TRAF3IP3: variants seen among roughly 807,000 people sequenced by gnomAD.
TRAF3IP3 encodes the protein TRAF3 interacting protein 3.
Under a neutral mutation model 86.5 loss-of-function variants are expected in TRAF3IP3, and 64 were observed. The ratio of observed to expected loss-of-function variants is 0.74; its 90% CI spans 0.60 to 0.91. The LOEUF (loss-of-function observed/expected upper bound fraction) is 0.91, where lower values mean the gene tolerates loss of function less well. Ranked by LOEUF, TRAF3IP3 falls within the 40% of genes least tolerant of loss-of-function variation. TRAF3IP3 has a pLI of 0.00. For missense variants in TRAF3IP3, 579 were observed against 642.9 expected, an observed-to-expected ratio of 0.90 and a Z score of 1.07; for synonymous variants, 220 against 243.9, an observed-to-expected ratio of 0.90 and a Z score of 0.91.
In TRAF3IP3 at chr1:209,779,294, GTTCC is replaced by G. The variant is rs2077726018; in HGVS notation, c.1253-18_1253-15del. 3 of 1,612,324 alleles carry G rather than the reference GTTCC, an allele frequency of 1.9e-6. No homozygotes were observed. Among genetic ancestry groups the G allele is most frequent in the Non-Finnish European group, 2.5e-6 (3 of 1,178,462 alleles). On this transcript the variant is annotated splice_polypyrimidine_tract_variant and intron_variant, in intron 13 of 16. Transcript: ENST00000367025. The stretch of plus-strand genomic sequence containing the variant: ...GTAGTAAATATGCTAGCATAGACAA[GTTCC>G]TTGTGTTTTCCAACAGGTTTGCTTC...
intron 9 of TRAF3IP3, among the ~76,000 whole-genome samples, chr1:209,773,823 T>C (rs370999146): frequency 6.6e-6 from 1 of 152,238 alleles, no homozygotes; most frequent in South Asian, 2.1e-4. Context: ...GAGACTAATA[T>C]ATAATCCAGA....
At chr1:209,765,227 GAGGAAGGAAGGAAGGA>G (rs60018350) in intron 8 of TRAF3IP3, among the ~76,000 whole-genome samples, 88 of 58,292 alleles carry the variant, frequency 1.5e-3, no homozygotes, top group East Asian at 2.8e-3. Context: ...GAGAGAGAGA[GAGGAAGGAAGGAAGGA>G]AGGAAGGAAG....
Position 209,765,623 on chromosome 1 carries a change from C to T in TRAF3IP3, c.702+2036C>T, listed in dbSNP as rs186858658. On this transcript the variant is annotated intron_variant, in intron 8 of 16. Coordinates refer to ENST00000367025, the MANE Select transcript of TRAF3IP3 (RefSeq NM_025228.4). The stretch of plus-strand genomic sequence containing the variant: ...TGGAGGTTGCAGTGAGCCAAGACTG[C>T]ACCACTGCATTCCAGCCTGGGCGAT... Among the ~76,000 whole-genome samples, 9 of 152,254 alleles carry T rather than the reference C, an allele frequency of 5.9e-5. No homozygotes were observed. The East Asian group carries it at 1.7e-3, about 29-fold the overall frequency.
At chr1:209,780,405 A>AGG in intron 14 of TRAF3IP3, 65 bp from the exon 15 acceptor site, 1 of 1,398,820 alleles carries the variant, frequency 7.1e-7, no homozygotes, top group Non-Finnish European at 9.4e-7. Flanking sequence ...TAGTGGTTTC[A>AGG]CCCTCAGGGC....
At position 209,775,859 on chromosome 1, in the gene TRAF3IP3, G is replaced by T. The variant is rs186538492; in HGVS notation, c.1053+123G>T. On this transcript the variant is annotated intron_variant, in intron 11 of 16. Transcript: ENST00000367025. ...ACAGCATCTGGCTTTCAGTTCCTCA[G>T]TCACCACTACTTTGTACCAAATTCA... 3 of 892,006 alleles carry T rather than the reference G, an allele frequency of 3.4e-6. 1 individual carries two copies. In the Admixed American group the frequency reaches 8.7e-5, roughly 26 times the overall value. The allele number at this position is 892,006 out of a possible 1,614,324, so 55.3% of individuals were successfully genotyped here.
chr1:209,765,003 T>C (rs1308335677), intron 8 of TRAF3IP3, among the ~76,000 whole-genome samples: 3 of 151,644 alleles, frequency 2.0e-5, no homozygotes, highest in African/African-American at 7.3e-5. Context: ...GGCAAAACCC[T>C]GTCTCTACTA....
Position 209,760,354 on chromosome 1 carries a change from T to G in TRAF3IP3, c.315T>G (p.Cys105Trp). ...CTGTCCTCAAGGAACCCTTGTCTTG[T>G]GCCAGAAGGATTTCTTCTCCCAGAG... Reference protein sequence around the residue: ...QVTVLKEPLSCARRISSPREQ... With the variant: ...QVTVLKEPLSWARRISSPREQ... Residue 105 changes from cysteine to tryptophan, a missense_variant, in exon 3 of 17, where the codon TGT (cysteine) becomes TGG (tryptophan). By Grantham distance (215) the Cys-to-Trp change is radical. Coordinates refer to ENST00000367025, the MANE Select transcript of TRAF3IP3 (RefSeq NM_025228.4). The G allele has an allele frequency of 6.2e-7, 1 of 1,608,796 alleles. No individual in the cohort carries two copies.
In TRAF3IP3 at chr1:209,782,049, C is replaced by G; in HGVS notation, c.1564-7C>G. On this transcript the variant is annotated splice_region_variant and splice_polypyrimidine_tract_variant and intron_variant, in intron 16 of 16. Coordinates refer to ENST00000367025, the MANE Select transcript of TRAF3IP3 (RefSeq NM_025228.4). ...CCACTTTCTTCTGTCTCCCTGTCCC[C>G]CTACAGAGGCAATGTGGGCGATGGC... The G allele has an allele frequency of 6.2e-7, 1 of 1,612,766 alleles. No individual in the cohort carries two copies. The highest frequency in any genetic ancestry group is 1.1e-5 in the South Asian group (1 of 91,046).
chr1:209,768,891 G>A (rs2077409034), intron 8 of TRAF3IP3, among the ~76,000 whole-genome samples: 1 of 152,204 alleles, frequency 6.6e-6, no homozygotes, highest in Non-Finnish European at 1.5e-5. Flanking sequence ...GTTTTGGGGA[G>A]TCCAGAAAAG....
chr1:209,770,105 C>T (rs1049807016), intron 8 of TRAF3IP3, among the ~76,000 whole-genome samples: 2 of 152,144 alleles, frequency 1.3e-5, no homozygotes, highest in Non-Finnish European at 2.9e-5. Context: ...GGCCTTGCTC[C>T]CCTCTCGCCC....
intron 6 of TRAF3IP3, 80 bp from the exon 7 acceptor site, chr1:209,763,283 C>G: frequency 6.5e-7 from 1 of 1,543,990 alleles, no homozygotes; most frequent in Non-Finnish European, 8.9e-7. Flanking sequence ...TCTACACAAG[C>G]CAGCCCAGGC....
chr1:209,756,254 T>C lies in TRAF3IP3; in HGVS notation c.-215T>C, dbSNP rs2077153750. 1 of 152,344 alleles carries C rather than the reference T, an allele frequency of 6.6e-6. No homozygotes were observed. Among genetic ancestry groups the C allele is most frequent in the Non-Finnish European group, 1.5e-5 (1 of 68,124 alleles). The allele number at this position is 152,344 out of a possible 1,614,324, so 9.4% of individuals were successfully genotyped here. A position where few individuals can be genotyped will look rare whatever the true frequency, so the allele number is the denominator to read the frequency against. ...TCCATCTGAGACCAGAGCCAAGATC[T>C]GCCCAGGACTGGAATGCTTTCCCGA... On this transcript the variant is annotated 5_prime_UTR_variant, in exon 1 of 17. Transcript: ENST00000367025.
chr1:209,758,921 A>G (rs2077199331), intron 1 of TRAF3IP3, 113 bp from the exon 2 acceptor site: 1 of 152,364 alleles, frequency 6.6e-6, no homozygotes, highest in African/African-American at 2.4e-5. Context: ...TCTAGGTGCT[A>G]TGTGAATATC....
chr1:209,774,907 C>G (rs1558026052), intron 9 of TRAF3IP3, among the ~76,000 whole-genome samples: 1 of 152,028 alleles, frequency 6.6e-6, no homozygotes, highest in South Asian at 2.1e-4. Flanking sequence ...CAGATATGAG[C>G]TGTTAAGGAA....
chr1:209,762,500 C>T lies in TRAF3IP3; in HGVS notation c.346-15C>T. ...TCCAGGCAGTGGTTTTCAGCATTCC[C>T]CACTTGCCTTCCAGGTGACAGGCAC... is the stretch of plus-strand genomic sequence containing the variant. On this transcript the variant is annotated splice_polypyrimidine_tract_variant and intron_variant, in intron 3 of 16. Transcript: ENST00000367025. 2.8e-6 allele frequency: 4 copies of T among 1,446,144 alleles called. No homozygotes were observed. The highest frequency in any genetic ancestry group is 3.6e-6 in the Non-Finnish European group (4 of 1,096,160). 89.6% of individuals were successfully genotyped at this position (1,446,144 alleles called of 1,614,324 possible).
intron 1 of TRAF3IP3, among the ~76,000 whole-genome samples, chr1:209,756,799 T>C (rs1040921146): frequency 5.3e-5 from 8 of 152,164 alleles, no homozygotes; most frequent in South Asian, 2.1e-4. Context: ...CAGAAAGGCA[T>C]GTCAAGCCAC....
At chr1:209,780,191 A>G in intron 14 of TRAF3IP3, 1 of 226,580 alleles carries the variant, frequency 4.4e-6, no homozygotes, top group Non-Finnish European at 8.5e-6. Flanking sequence ...AAATTCAATT[A>G]AGAAGTATTC....
intron 14 of TRAF3IP3, 95 bp from the exon 15 acceptor site, chr1:209,780,375 C>T: frequency 8.0e-7 from 1 of 1,247,954 alleles, no homozygotes. Context: ...CTCCCAAGTT[C>T]CCTCCCCTCT....
At chr1:209,781,604 G>A in intron 16 of TRAF3IP3, 146 bp downstream of exon 16, 1 of 549,574 alleles carries the variant, frequency 1.8e-6, no homozygotes, top group Non-Finnish European at 3.3e-6. Context: ...CTGACATTAT[G>A]GCAACCATTG....
Sources: gnomAD v4.1 joint callset for allele counts (sites outside exome capture counted in the v4.1 genomes callset) on GRCh38, gnomAD v4.1.1 for gene constraint, MANE v1.5 for transcripts, NCBI Gene and HGNC (gene_info 2026-07-23, HGNC 2026-07-21) for gene names.